Variants in NCKAP5 observed in about 807,000 individuals in gnomAD.
The protein encoded by NCKAP5 is NCK associated protein 5.
NCKAP5 carries 92 observed loss-of-function variants against 167.0 expected under a neutral mutation model. The observed-to-expected ratio is 0.55, with a 90% CI of 0.47 to 0.66. The LOEUF (loss-of-function observed/expected upper bound fraction) is 0.66. Ranked by LOEUF, NCKAP5 falls within the 30% of genes least tolerant of loss-of-function variation. The pLI is 0.00. For missense variants in NCKAP5, 2,378 were observed against 2,315.0 expected (o/e 1.03, Z -0.56); for synonymous variants, 891 against 877.4 (o/e 1.02, Z -0.27).
chr2:132,860,617 A>G lies in NCKAP5; in HGVS notation c.688-6T>C. Reference sequence around the variant, plus strand: ...ACACATTCCTCTCTTAGATCCTACAACAAACACATCGAAGGAGGAAAAAGT... The same window carrying G: ...ACACATTCCTCTCTTAGATCCTACAGCAAACACATCGAAGGAGGAAAAAGT... On this transcript the variant is annotated splice_region_variant and splice_polypyrimidine_tract_variant and intron_variant, in intron 10 of 19. Transcript: ENST00000409261. 6.4e-7 allele frequency: 1 copy of G among 1,564,938 alleles called. No homozygotes were observed. The highest frequency in any genetic ancestry group is 1.3e-5 in the African/African-American group (1 of 74,076).
intron 4 of NCKAP5, among the ~76,000 whole-genome samples, chr2:133,293,006 CA>C (rs1317229444): frequency 6.6e-6 from 1 of 152,142 alleles, no homozygotes; most frequent in Non-Finnish European, 1.5e-5. Flanking sequence ...GCCCTCACTC[CA>C]ATTCTGCTCC....
rs138937942 is a variant in NCKAP5 at position 133,047,181 on chromosome 2, G to GAACAC, written c.342-52947_342-52943dup. On this transcript the variant is annotated intron_variant, in intron 6 of 19. Coordinates refer to ENST00000409261, the MANE Select transcript of NCKAP5 (RefSeq NM_207363.3). ...AGACTACTTTTCATGCCTGCTATGT[G>GAACAC]AACACAAAGCTTTGTTTTTTTTCCA... 5.5e-3 allele frequency among the ~76,000 whole-genome samples: 840 copies of GAACAC among 152,210 alleles called. 2 individuals are homozygous for GAACAC. Among genetic ancestry groups the GAACAC allele is most frequent in the Non-Finnish European group, 9.9e-3 (676 of 68,008 alleles).
intron 5 of NCKAP5, among the ~76,000 whole-genome samples, chr2:133,144,670 A>G (rs1029152830): frequency 6.6e-6 from 1 of 152,186 alleles, no homozygotes; most frequent in African/African-American, 2.4e-5. Flanking sequence ...TCAGTGTGCT[A>G]GAAACAAATC....
At chr2:133,002,280 T>C (rs1323477188) in intron 6 of NCKAP5, among the ~76,000 whole-genome samples, 1 of 152,326 alleles carries the variant, frequency 6.6e-6, no homozygotes, top group African/African-American at 2.4e-5. Context: ...AAGCTCTATG[T>C]ATACTTTCCT....
chr2:132,903,865 G>T (rs767439752), intron 8 of NCKAP5, among the ~76,000 whole-genome samples: 2 of 152,066 alleles, frequency 1.3e-5, no homozygotes, highest in African/African-American at 4.8e-5. Flanking sequence ...CAACCCACAC[G>T]TAATTACCAT....
chr2:133,478,422 C>T (rs1680133714), intron 3 of NCKAP5, among the ~76,000 whole-genome samples: 1 of 152,140 alleles, frequency 6.6e-6, no homozygotes, highest in Non-Finnish European at 1.5e-5. Context: ...GTCAGTAACT[C>T]CAACATTTAC....
intron 3 of NCKAP5, among the ~76,000 whole-genome samples, chr2:133,481,491 G>T (rs1248931785): frequency 6.6e-6 from 1 of 152,086 alleles, no homozygotes; most frequent in Non-Finnish European, 1.5e-5. Flanking sequence ...ACATAAACTT[G>T]TGTCATGGGG....
At chr2:133,456,345 C>T (rs1447521882) in intron 3 of NCKAP5, among the ~76,000 whole-genome samples, 1 of 152,098 alleles carries the variant, frequency 6.6e-6, no homozygotes, top group East Asian at 1.9e-4. Context: ...TCTAAAGGTG[C>T]CTGATTTGGC....
upstream of NCKAP5, among the ~76,000 whole-genome samples, chr2:133,572,364 C>T (rs1688897189): frequency 6.6e-6 from 1 of 152,206 alleles, no homozygotes; most frequent in Non-Finnish European, 1.5e-5. Flanking sequence ...ACTTCTGCTC[C>T]TTTATGTAAC....
At chr2:133,457,819 C>T (rs1278512239) in intron 3 of NCKAP5, among the ~76,000 whole-genome samples, 1 of 152,104 alleles carries the variant, frequency 6.6e-6, no homozygotes, top group Non-Finnish European at 1.5e-5. Context: ...TTTCATGCTA[C>T]ACATAATAAT....
At chr2:133,168,916 A>T (rs192891993) in intron 5 of NCKAP5, among the ~76,000 whole-genome samples, 4 of 152,230 alleles carry the variant, frequency 2.6e-5, no homozygotes, top group Non-Finnish European at 5.9e-5. Flanking sequence ...CATAGACAGC[A>T]TTTCCACCTT....
chr2:132,972,722 G>T (rs553327278), intron 7 of NCKAP5, among the ~76,000 whole-genome samples: 6 of 152,028 alleles, frequency 3.9e-5, no homozygotes, highest in Non-Finnish European at 5.9e-5. Context: ...AATTAGTTGG[G>T]TGTGGTGGCA....
chr2:132,815,719 G>A (rs1455874412), intron 11 of NCKAP5, among the ~76,000 whole-genome samples: 5 of 152,068 alleles, frequency 3.3e-5, no homozygotes, highest in East Asian at 1.9e-4. Context: ...CACAGAAGAC[G>A]TCACCAAGCC....
At chr2:133,355,745 CT>C (rs1324121034) in intron 3 of NCKAP5, among the ~76,000 whole-genome samples, 1 of 152,142 alleles carries the variant, frequency 6.6e-6, no homozygotes, top group Non-Finnish European at 1.5e-5. Context: ...TCCAAGAAGC[CT>C]TCTTAAATTC....
chr2:132,683,991 G>C (rs1388614933), intron 19 of NCKAP5, among the ~76,000 whole-genome samples: 4 of 152,176 alleles, frequency 2.6e-5, no homozygotes. Context: ...CCACACAGAT[G>C]CTATTTAGTC....
intron 5 of NCKAP5, among the ~76,000 whole-genome samples, chr2:133,177,407 G>A (rs10178289): frequency 0.11 from 16,513 of 152,076 alleles, 1,111 homozygotes; most frequent in African/African-American, 0.18. Flanking sequence ...GTGGGGGTGT[G>A]GGGAGGGGAT....
intron 15 of NCKAP5, among the ~76,000 whole-genome samples, chr2:132,779,965 T>C (rs1050931419): frequency 3.3e-5 from 5 of 152,108 alleles, no homozygotes; most frequent in East Asian, 1.9e-4. Context: ...AGTAATTCCA[T>C]AAAGAGAATA....
intron 4 of NCKAP5, among the ~76,000 whole-genome samples, chr2:133,219,724 G>A (rs1159226465): frequency 6.7e-6 from 1 of 150,162 alleles, no homozygotes. Flanking sequence ...AGTAGAATTT[G>A]TATTTTATTT....
intron 6 of NCKAP5, among the ~76,000 whole-genome samples, chr2:133,110,343 G>A (rs1328471296): frequency 6.6e-6 from 1 of 152,106 alleles, no homozygotes; most frequent in East Asian, 1.9e-4. Context: ...AACTAGTAGG[G>A]CCTGGCATCA....
Sources: gnomAD v4.1 joint callset for allele counts (sites outside exome capture counted in the v4.1 genomes callset) on GRCh38, gnomAD v4.1.1 for gene constraint, MANE v1.5 for transcripts, NCBI Gene and HGNC (gene_info 2026-07-23, HGNC 2026-07-21) for gene names.